The following TMEM177 variants were observed in gnomAD, a reference collection of about 807,000 sequenced individuals.
TMEM177 encodes the protein transmembrane protein 177.
TMEM177 carries 4 observed loss-of-function variants against 14.2 expected under a neutral mutation model. That is an observed-to-expected ratio of 0.28 (90% CI 0.14 to 0.64). The LOEUF is 0.64. Ranked by LOEUF, TMEM177 falls within the 30% of genes least tolerant of loss-of-function variation. TMEM177 has a pLI of 0.82. For missense variants in TMEM177, 344 were observed against 405.2 expected (o/e 0.85, Z 1.30); for synonymous variants, 179 against 174.5 (o/e 1.03, Z -0.20).
chr2:119,681,068 T>C lies in TMEM177; in HGVS notation c.215T>C (p.Ile72Thr), dbSNP rs764939276. The C allele has an allele frequency of 1.9e-6, 3 of 1,614,228 alleles. No homozygotes were observed. The highest frequency in any genetic ancestry group is 1.7e-6 in the Non-Finnish European group (2 of 1,180,040). Residue 72 changes from isoleucine to threonine, a missense_variant, in exon 2 of 2, where the codon ATA becomes ACA. Coordinates refer to ENST00000272521, the MANE Select transcript of TMEM177 (RefSeq NM_030577.3). ...QSLFQEVLQD[I>T]GVPSGHCYKP... ...CTCTTCCAAGAGGTGCTACAGGACA[T>C]AGGTGTTCCTTCAGGCCATTGCTAC...
rs537081050 is a variant in TMEM177 at position 119,681,980 on chromosome 2, A to G, written c.*191A>G. 2.4e-5 allele frequency: 14 copies of G among 590,862 alleles called. No homozygotes were observed. The highest frequency in any genetic ancestry group is 2.0e-4 in the South Asian group (8 of 39,716). 36.6% of individuals were successfully genotyped at this position (590,862 alleles called of 1,614,324 possible). On this transcript the variant is annotated 3_prime_UTR_variant, in exon 2 of 2. Coordinates refer to ENST00000272521, the MANE Select transcript of TMEM177 (RefSeq NM_030577.3). ...GACTATGAGGGACTATTCAGGGGCTATGAATCTGAGCCTTTGTTTCTTGAA... is the reference window on the plus strand; with the variant it reads ...GACTATGAGGGACTATTCAGGGGCTGTGAATCTGAGCCTTTGTTTCTTGAA...
chr2:119,683,905 TCCCCCTCC>T (rs1162750038), downstream of TMEM177, among the ~76,000 whole-genome samples: 1 of 149,774 alleles, frequency 6.7e-6, no homozygotes, highest in Non-Finnish European at 1.5e-5. Flanking sequence ...TGTCCCTTCT[TCCCCCTCC>T]CACCCTCCCA....
chr2:119,718,284 G>A, the TMEM177 span, among the ~76,000 whole-genome samples: 1 of 152,136 alleles, frequency 6.6e-6, no homozygotes, highest in Non-Finnish European at 1.5e-5. Context: ...TTACGCTCAT[G>A]TATATTTTAA....
chr2:119,721,864 C>T, the TMEM177 span, among the ~76,000 whole-genome samples: 2 of 152,148 alleles, frequency 1.3e-5, no homozygotes, highest in African/African-American at 4.8e-5. Flanking sequence ...TCTTATTGTG[C>T]CCGCTTATGT....
chr2:119,708,644 G>GACACAC, the TMEM177 span, among the ~76,000 whole-genome samples: 2,940 of 146,824 alleles, frequency 0.02, 91 homozygotes, highest in African/African-American at 0.063. Flanking sequence ...ATCACACGCA[G>GACACAC]ACACACACAC....
chr2:119,690,176 A>C (rs1359028869), downstream of TMEM177, among the ~76,000 whole-genome samples: 1 of 152,146 alleles, frequency 6.6e-6, no homozygotes, highest in Non-Finnish European at 1.5e-5. Flanking sequence ...CTAATGGTTT[A>C]GCACTGTCCC....
chr2:119,684,537 T>C (rs1558690104), downstream of TMEM177, among the ~76,000 whole-genome samples: 1 of 12,216 alleles, frequency 8.2e-5, no homozygotes, highest in Non-Finnish European at 4.6e-4. Flanking sequence ...TCCATAATAT[T>C]TATTTTTTGC....
chr2:119,686,602 C>CTTTCTTTT (rs1461040245), downstream of TMEM177: 26 of 152,346 alleles, frequency 1.7e-4, no homozygotes, highest in African/African-American at 5.8e-4. Context: ...CTTTCTCTCT[C>CTTTCTTTT]TTTCTTTTTT....
chr2:119,703,393 T>C, the TMEM177 span, among the ~76,000 whole-genome samples: 1 of 152,116 alleles, frequency 6.6e-6, no homozygotes, highest in Non-Finnish European at 1.5e-5. Context: ...CTGAGTCATG[T>C]AAAATGGCAG....
At chr2:119,707,946 G>A in the TMEM177 span, among the ~76,000 whole-genome samples, 1 of 152,218 alleles carries the variant, frequency 6.6e-6, no homozygotes, top group Admixed American at 6.5e-5. Flanking sequence ...CCCTGCTGCA[G>A]CTGCGGTTCT....
chr2:119,681,598 TTC>T lies in TMEM177; in HGVS notation c.747_748del (p.Phe249LeufsTer2). The T allele has an allele frequency of 6.2e-7, 1 of 1,613,958 alleles. No homozygotes were observed. The highest frequency in any genetic ancestry group is 2.2e-5 in the East Asian group (1 of 44,854). On this transcript the variant is annotated frameshift_variant, in exon 2 of 2. Transcript: ENST00000272521. LOFTEE classifies it high-confidence loss of function. ...SAAYACGGVEFYEKLLSGNLA... is the reference protein window; with the variant it reads ...SAAYACGGVEXYEKLLSGNLA... ...AGCCTATGCCTGTGGTGGAGTGGAG[TTC>T]TATGAGAAGCTTCTGTCGGGCAACC...
the TMEM177 span, chr2:119,699,854 C>T: frequency 2.4e-6 from 1 of 411,504 alleles, no homozygotes; most frequent in Non-Finnish European, 4.8e-6. Flanking sequence ...GGTCAGTGGT[C>T]CAAAAAGAGT....
At chr2:119,717,665 G>C in the TMEM177 span, among the ~76,000 whole-genome samples, 1 of 136,704 alleles carries the variant, frequency 7.3e-6, no homozygotes, top group African/African-American at 2.7e-5. Context: ...CTGGAGTGCA[G>C]TGGCGCAATC....
chr2:119,713,021 G>C, the TMEM177 span, among the ~76,000 whole-genome samples: 1 of 151,664 alleles, frequency 6.6e-6, no homozygotes, highest in African/African-American at 2.4e-5. Flanking sequence ...CACACATAAA[G>C]CATGAAGATT....
At chr2:119,716,908 G>A in the TMEM177 span, among the ~76,000 whole-genome samples, 1 of 151,474 alleles carries the variant, frequency 6.6e-6, no homozygotes, top group East Asian at 1.9e-4. Context: ...GCATAGTAGT[G>A]CTAAACAGAG....
chr2:119,692,400 AG>A, the TMEM177 span, among the ~76,000 whole-genome samples: 1 of 152,236 alleles, frequency 6.6e-6, no homozygotes, highest in Non-Finnish European at 1.5e-5. Context: ...GCCAGTGTGA[AG>A]GCCTGTGGCC....
chr2:119,712,667 G>A, the TMEM177 span, among the ~76,000 whole-genome samples: 1 of 152,158 alleles, frequency 6.6e-6, no homozygotes, highest in African/African-American at 2.4e-5. Context: ...AATGTCTATC[G>A]CTTAAGCCAC....
the TMEM177 span, among the ~76,000 whole-genome samples, chr2:119,705,007 T>C: frequency 6.6e-6 from 1 of 151,912 alleles, no homozygotes; most frequent in Non-Finnish European, 1.5e-5. Flanking sequence ...AAAAAAGGAG[T>C]GTGAGACAAA....
the TMEM177 span, among the ~76,000 whole-genome samples, chr2:119,701,970 A>G: frequency 2.6e-5 from 4 of 152,208 alleles, no homozygotes; most frequent in Admixed American, 6.5e-5. Context: ...GGTCTGCAGA[A>G]TATCTCAAGC....
Sources: allele counts gnomAD v4.1 joint callset (sites outside exome capture counted in the v4.1 genomes callset), GRCh38; gene constraint gnomAD v4.1.1; transcripts MANE v1.5; gene names NCBI Gene and HGNC (gene_info 2026-07-23, HGNC 2026-07-21).